The following MTERF4 variants were observed in gnomAD, a reference collection of about 807,000 sequenced individuals.
MTERF4 encodes the protein mitochondrial transcription termination factor 4.
In MTERF4, 17 loss-of-function variants were observed where a neutral mutation model predicts 22.5. That is an observed-to-expected ratio of 0.75 (90% CI 0.52 to 1.13). The LOEUF is 1.13. Ranked by LOEUF, MTERF4 falls within the 50% of genes most tolerant of loss-of-function variation. The pLI, the probability that MTERF4 is intolerant of heterozygous loss-of-function variation, is 0.00. For missense variants in MTERF4, 420 were observed against 466.8 expected (o/e 0.90, Z 0.92); for synonymous variants, 165 against 175.3 (o/e 0.94, Z 0.47).
downstream of MTERF4, chr2:241,095,060 G>GCCCC (rs10573691): frequency 2.9e-4 from 26 of 90,382 alleles, 1 homozygote; most frequent in South Asian, 4.9e-4. Context: ...AAGGTGACAC[G>GCCCC]CCCCCCCCCC....
the MTERF4 span, chr2:241,050,011 GTC>G: frequency 1.9e-6 from 2 of 1,045,634 alleles, no homozygotes; most frequent in Non-Finnish European, 3.0e-6. Context: ...CTTCTCTGCT[GTC>G]TCTCTCCTTG....
chr2:241,097,151 G>C, intron 3 of MTERF4, 92 bp downstream of exon 3: 1 of 1,451,232 alleles, frequency 6.9e-7, no homozygotes, highest in Non-Finnish European at 9.6e-7. Flanking sequence ...CACTAATCAC[G>C]GTACCAGTCA....
chr2:241,082,266 CT>C (rs1553594602), downstream of MTERF4: 1 of 1,596,534 alleles, frequency 6.3e-7, no homozygotes, highest in Non-Finnish European at 8.6e-7. Flanking sequence ...CACTGCCCTT[CT>C]TTGTCGCAGC....
At chr2:241,052,481 G>C in the MTERF4 span, 3 of 1,583,684 alleles carry the variant, frequency 1.9e-6, no homozygotes, top group Non-Finnish European at 2.6e-6. Flanking sequence ...GAGAGGGTCA[G>C]GGGGATCAAG....
chr2:241,059,402 A>T, the MTERF4 span, among the ~76,000 whole-genome samples: 1 of 152,206 alleles, frequency 6.6e-6, no homozygotes, highest in Non-Finnish European at 1.5e-5. Flanking sequence ...TTCTCATTTG[A>T]TACCAAACTC....
At chr2:241,079,574 G>A (rs2063228969) in intron 4 of MTERF4, among the ~76,000 whole-genome samples, 1 of 152,142 alleles carries the variant, frequency 6.6e-6, no homozygotes, top group Non-Finnish European at 1.5e-5. Flanking sequence ...TGCATAATGG[G>A]ACTGGAGATC....
chr2:241,047,065 C>A, the MTERF4 span, among the ~76,000 whole-genome samples: 1 of 150,594 alleles, frequency 6.6e-6, no homozygotes, highest in Non-Finnish European at 1.5e-5. Context: ...ATCACTTGAA[C>A]CCCAGGGAGT....
At chr2:241,097,057 CT>C (rs2064468073) in intron 3 of MTERF4, 185 bp downstream of exon 3, 2 of 648,438 alleles carry the variant, frequency 3.1e-6, no homozygotes, top group Admixed American at 3.1e-5. Flanking sequence ...ACTTCCTCCA[CT>C]CAAATATGAG....
chr2:241,097,551 A>C (rs1239331808), intron 2 of MTERF4, 124 bp from the exon 3 acceptor site: 4 of 882,386 alleles, frequency 4.5e-6, no homozygotes, highest in African/African-American at 1.7e-5. Context: ...TCCACAGAGC[A>C]AGTGGCAATT....
chr2:241,051,749 C>T, the MTERF4 span: 3 of 1,506,974 alleles, frequency 2.0e-6, no homozygotes, highest in Non-Finnish European at 2.7e-6. This position sits in a 1 kb window ranked among gnomAD's most constrained non-coding sequence, Gnocchi z 4.7. Context: ...CACAGCCCGG[C>T]CACACCTGTG....
the MTERF4 span, chr2:241,063,512 T>G: frequency 1.1e-6 from 1 of 943,926 alleles, no homozygotes. Context: ...CCCCAGGAAA[T>G]GCACGGAATC....
In MTERF4 at chr2:241,095,744, C is replaced by A. The variant is rs776140645; in HGVS notation, c.*254G>T. 1 of 545,420 alleles carries A rather than the reference C, an allele frequency of 1.8e-6. No homozygotes were observed. Among genetic ancestry groups the A allele is most frequent in the Non-Finnish European group, 3.1e-6 (1 of 318,230 alleles). The allele number at this position is 545,420 out of a possible 1,614,324, so 33.8% of individuals were successfully genotyped here. Reference sequence around the variant, plus strand: ...AGTCCCCTTGATGTGAATAGCTCAACATAAGTATCTTATTCAGGATGGGAC... The same window carrying A: ...AGTCCCCTTGATGTGAATAGCTCAAAATAAGTATCTTATTCAGGATGGGAC... On this transcript the variant is annotated 3_prime_UTR_variant, in exon 4 of 4. Coordinates refer to ENST00000391980, the MANE Select transcript of MTERF4 (RefSeq NM_182501.4).
chr2:241,081,889 C>A, intron 4 of MTERF4: 1 of 927,826 alleles, frequency 1.1e-6, no homozygotes, highest in Non-Finnish European at 1.7e-6. Context: ...ACGGGAGCCT[C>A]CAAACGATGA....
downstream of MTERF4, chr2:241,089,475 C>A (rs556041464): frequency 4.1e-5 from 63 of 1,520,608 alleles, no homozygotes; most frequent in African/African-American, 7.9e-4. Flanking sequence ...GTCCACACCC[C>A]CTTGGGGGAA....
At chr2:241,100,347 C>T (rs530099902) in intron 1 of MTERF4, among the ~76,000 whole-genome samples, 7 of 152,294 alleles carry the variant, frequency 4.6e-5, no homozygotes, top group African/African-American at 7.2e-5. Flanking sequence ...GATTTTCTTC[C>T]GCCTCTGCCA....
At chr2:241,069,041 G>A, downstream of MTERF4, 3 of 1,516,990 alleles carry the variant, frequency 2.0e-6, no homozygotes, top group Non-Finnish European at 2.7e-6. This position sits in a 1 kb window ranked among gnomAD's most constrained non-coding sequence, Gnocchi z 4.9. Context: ...GAGCAGCGCG[G>A]CCCCCGGCAC....
rs142592322 is a variant in MTERF4 at position 241,095,631 on chromosome 2, GAAGA to G, written c.*363_*366del. The G allele has an allele frequency of 0.012, 2,620 of 219,892 alleles. 65 individuals are homozygous for G. Among genetic ancestry groups the G allele is most frequent in the African/African-American group, 0.057 (2,468 of 43,590 alleles). 13.6% of individuals were successfully genotyped at this position (219,892 alleles called of 1,614,324 possible). A position where few individuals can be genotyped will look rare whatever the true frequency, so the allele number is the denominator to read the frequency against. On this transcript the variant is annotated 3_prime_UTR_variant, in exon 4 of 4. Transcript: ENST00000391980. ...GAAATACATAGTGATTCCTGAACCGGAAGAATGAACCCCATCTTCCAACTGTCAC... is the reference window on the plus strand; with the variant it reads ...GAAATACATAGTGATTCCTGAACCGGATGAACCCCATCTTCCAACTGTCAC...
At chr2:241,068,349 G>A (rs141459206), downstream of MTERF4, among the ~76,000 whole-genome samples, 316 of 144,068 alleles carry the variant, frequency 2.2e-3, 3 homozygotes, top group African/African-American at 8.7e-3. The surrounding 1 kb of genome is among the most constrained non-coding windows in gnomAD (Gnocchi z 5.3). Context: ...AGCGGCCAGC[G>A]AGGGTAGATG....
At chr2:241,092,482 T>C (rs1427703419), downstream of MTERF4, 2 of 152,210 alleles carry the variant, frequency 1.3e-5, no homozygotes, top group South Asian at 2.1e-4. This position sits in a 1 kb window ranked among gnomAD's most constrained non-coding sequence, Gnocchi z 4.6. Flanking sequence ...CCCTGTTCTA[T>C]GAGATCACCT....
Sources: gnomAD v4.1 joint callset for allele counts (sites outside exome capture counted in the v4.1 genomes callset) on GRCh38, gnomAD v4.1.1 for gene constraint, Gnocchi (gnomAD v3.1) non-coding constraint, MANE v1.5 for transcripts, NCBI Gene and HGNC (gene_info 2026-07-23, HGNC 2026-07-21) for gene names.